The following TMC1 variants were observed in gnomAD, a reference collection of about 807,000 sequenced individuals.
TMC1 encodes transmembrane channel-like protein 1.
In TMC1, 84 loss-of-function variants were observed where a neutral mutation model predicts 105.8. The observed-to-expected ratio is 0.79, with a 90% CI of 0.67 to 0.95. The LOEUF (loss-of-function observed/expected upper bound fraction) is 0.95. Among genes scored for constraint, TMC1 ranks in the 40% least tolerant of loss-of-function variants. TMC1 has a pLI of 0.00. For missense variants in TMC1, 817 were observed against 914.1 expected, an observed-to-expected ratio of 0.89 and a Z score of 1.37; for synonymous variants, 315 against 311.5, an observed-to-expected ratio of 1.01 and a Z score of -0.12.
chr9:72,783,571 C>G (rs1351462025), intron 13 of TMC1, among the ~76,000 whole-genome samples: 1 of 152,152 alleles, frequency 6.6e-6, no homozygotes, highest in Non-Finnish European at 1.5e-5. Flanking sequence ...CCCTCCCAGT[C>G]CACTGACTCA....
At chr9:72,584,005 A>G (rs1308145902) in intron 2 of TMC1, among the ~76,000 whole-genome samples, 1 of 152,186 alleles carries the variant, frequency 6.6e-6, no homozygotes, top group African/African-American at 2.4e-5. Context: ...TGCCAGACAA[A>G]GATGTTCCTG....
At chr9:72,636,439 G>A (rs1262473708) in intron 4 of TMC1, among the ~76,000 whole-genome samples, 1 of 152,172 alleles carries the variant, frequency 6.6e-6, no homozygotes, top group African/African-American at 2.4e-5. Context: ...GCTCATGCCT[G>A]TTATCTCAGC....
intron 10 of TMC1, among the ~76,000 whole-genome samples, chr9:72,743,566 CAAAAAA>C (rs386415092): frequency 9.8e-6 from 1 of 101,724 alleles, no homozygotes; most frequent in Admixed American, 1.1e-4. Context: ...GACTCTGTTT[CAAAAAA>C]AAAAAAAAAG....
Position 72,837,903 on chromosome 9 carries a change from T to A in TMC1, c.*1930T>A, listed in dbSNP as rs1467202755. On this transcript the variant is annotated 3_prime_UTR_variant, in exon 24 of 24. Coordinates refer to ENST00000297784, the MANE Select transcript of TMC1 (RefSeq NM_138691.3). ...CATTCTCAATCTTATCACTCCCTTT[T>A]TAGGATTCCTTGGGCTCTTATGTCT... 6.6e-6 allele frequency: 1 copy of A among 152,252 alleles called. No individual in the cohort carries two copies. The highest frequency in any genetic ancestry group is 1.5e-5 in the Non-Finnish European group (1 of 68,048). The allele number at this position is 152,252 out of a possible 1,614,324, so 9.4% of individuals were successfully genotyped here.
At chr9:72,649,165 T>C (rs1431336911) in intron 5 of TMC1, among the ~76,000 whole-genome samples, 4 of 152,214 alleles carry the variant, frequency 2.6e-5, no homozygotes, top group Non-Finnish European at 5.9e-5. Flanking sequence ...AGGATATTTA[T>C]GTGAAGGAAT....
intron 10 of TMC1, among the ~76,000 whole-genome samples, chr9:72,750,542 GC>G (rs1282887285): frequency 7.2e-6 from 1 of 139,728 alleles, no homozygotes; most frequent in Non-Finnish European, 1.5e-5. Flanking sequence ...TTAAGAGGGT[GC>G]TTTTTTTTTC....
At chr9:72,805,102 G>C (rs1828548994) in intron 17 of TMC1, among the ~76,000 whole-genome samples, 1 of 152,100 alleles carries the variant, frequency 6.6e-6, no homozygotes, top group Admixed American at 6.6e-5. Flanking sequence ...ACTGCTGTGT[G>C]GCCAATATTT....
At chr9:72,602,366 ATTTTTTT>A (rs66682329) in intron 2 of TMC1, among the ~76,000 whole-genome samples, 581 of 86,548 alleles carry the variant, frequency 6.7e-3, no homozygotes, top group Non-Finnish European at 9.4e-3. Context: ...CCTATTGGTG[ATTTTTTT>A]TTTTTTTTTT....
At position 72,716,790 on chromosome 9, in the gene TMC1, T is replaced by A. The variant is rs1237891604; in HGVS notation, c.362+16147T>A. On this transcript the variant is annotated intron_variant, in intron 8 of 23. Transcript: ENST00000297784. ...CGTGAATGGTTCTGTCTCACTGACA[T>A]TCCAGGCACCACTGGGGTATGAAAA... 3.3e-5 allele frequency among the ~76,000 whole-genome samples: 5 copies of A among 152,264 alleles called. No individual in the cohort carries two copies. The East Asian group carries it at 9.7e-4, about 29-fold the overall frequency.
intron 10 of TMC1, among the ~76,000 whole-genome samples, chr9:72,748,617 A>G (rs892602239): frequency 2.0e-5 from 3 of 152,166 alleles, no homozygotes; most frequent in Non-Finnish European, 2.9e-5. Flanking sequence ...TCTTTTAGTC[A>G]CACTAATCAG....
At chr9:72,567,723 A>G (rs1173160183) in intron 1 of TMC1, among the ~76,000 whole-genome samples, 2 of 152,144 alleles carry the variant, frequency 1.3e-5, no homozygotes, top group African/African-American at 4.8e-5. Context: ...TTAAAATCCA[A>G]GGTGAAATTT....
intron 8 of TMC1, among the ~76,000 whole-genome samples, chr9:72,735,133 T>G (rs1827276097): frequency 6.6e-6 from 1 of 152,180 alleles, no homozygotes; most frequent in Non-Finnish European, 1.5e-5. Context: ...GCTCAATTAT[T>G]TATCAATGAG....
chr9:72,600,709 A>G (rs1824795379), intron 2 of TMC1, among the ~76,000 whole-genome samples: 1 of 152,156 alleles, frequency 6.6e-6, no homozygotes, highest in South Asian at 2.1e-4. Flanking sequence ...GAAAAAAATT[A>G]AAATAAAAAA....
intron 8 of TMC1, among the ~76,000 whole-genome samples, chr9:72,716,777 T>C (rs1826927524): frequency 6.6e-6 from 1 of 152,170 alleles, no homozygotes; most frequent in Non-Finnish European, 1.5e-5. Flanking sequence ...TGAATGGTTC[T>C]GTCTCACTGA....
intron 3 of TMC1, among the ~76,000 whole-genome samples, chr9:72,623,126 T>G (rs1825284092): frequency 6.8e-6 from 1 of 146,968 alleles, no homozygotes; most frequent in Non-Finnish European, 1.5e-5. Flanking sequence ...AGGGTTTTAT[T>G]TGTCTTCTCT....
chr9:72,535,744 CT>C (rs1212465765), intron 1 of TMC1, among the ~76,000 whole-genome samples: 2 of 152,192 alleles, frequency 1.3e-5, no homozygotes, highest in Non-Finnish European at 2.9e-5. Flanking sequence ...CCTTAGGCTG[CT>C]TCTATTCATG....
intron 23 of TMC1, 32 bp from the exon 24 acceptor site, chr9:72,835,915 GTTTT>G (rs754537281): frequency 5.3e-4 from 694 of 1,313,704 alleles, no homozygotes; most frequent in African/African-American, 6.2e-4. Flanking sequence ...CTCTCTCCTT[GTTTT>G]TTTTTTTTTT....
chr9:72,715,952 T>C (rs182388133), intron 8 of TMC1, among the ~76,000 whole-genome samples: 151 of 152,178 alleles, frequency 9.9e-4, no homozygotes, highest in Non-Finnish European at 1.6e-3. Context: ...CTCTGAGTGG[T>C]CCTTTTTGTT....
At chr9:72,694,787 C>T (rs954678274) in intron 7 of TMC1, 73 bp downstream of exon 7, 2 of 1,484,352 alleles carry the variant, frequency 1.3e-6, no homozygotes, top group Non-Finnish European at 1.8e-6. Context: ...ACTCTTTGAC[C>T]TTAAAATTGG....
Sources: gnomAD v4.1 joint callset for allele counts (sites outside exome capture counted in the v4.1 genomes callset) on GRCh38, gnomAD v4.1.1 for gene constraint, MANE v1.5 for transcripts, NCBI Gene and HGNC (gene_info 2026-07-23, HGNC 2026-07-21) for gene names.